Variants in POLA1 observed in about 807,000 individuals in gnomAD.
POLA1 encodes DNA polymerase alpha catalytic subunit.
POLA1 carries 15 observed loss-of-function variants against 124.0 expected under a neutral mutation model. The ratio of observed to expected loss-of-function variants is 0.12; its 90% CI spans 0.08 to 0.19. POLA1 has a LOEUF of 0.19. Ranked by LOEUF, POLA1 falls within the 10% of genes least tolerant of loss-of-function variation. The pLI is 1.00. For synonymous variants in POLA1, 408 were observed against 389.4 expected (o/e 1.05, Z -0.56); for missense variants, 886 against 1,103.4 (o/e 0.80, Z 2.79).
rs57038936 is a variant in POLA1, at chrX:24,951,343, A to ACCC, written c.4261+20807_4261+20809dup. Among the ~76,000 whole-genome samples the ACCC allele has an allele frequency of 2.0e-3, 80 of 40,948 alleles. 1 individual carries two copies. Among genetic ancestry groups the ACCC allele is most frequent in the East Asian group, 1.0e-2 (5 of 501 alleles). The allele number at this position is 40,948 out of a possible 115,157, so 35.6% of individuals were successfully genotyped here. On this transcript the variant is annotated intron_variant, in intron 36 of 36. Coordinates refer to ENST00000379068, the MANE Select transcript of POLA1 (RefSeq NM_001330360.2). ...ACTCACTTTCTTTAAACACCTCCCT[A>ACCC]CCCCCCCCCCCCCCCACCAAATGCA...
At chrX:24,959,424 A>T (rs1464288867) in intron 36 of POLA1, among the ~76,000 whole-genome samples, 1 of 107,968 alleles carries the variant, frequency 9.3e-6, no homozygotes, top group Middle Eastern at 4.7e-3. Flanking sequence ...AGAGCGCACC[A>T]CTGCACCCCA....
intron 26 of POLA1, chrX:24,788,579 C>T: frequency 8.4e-7 from 1 of 1,191,418 alleles, no homozygotes; most frequent in South Asian, 1.8e-5. Context: ...TGCTTGAATG[C>T]TTCTGACGCG....
chrX:24,811,035 G>C (rs2045890062), intron 28 of POLA1, among the ~76,000 whole-genome samples: 1 of 110,893 alleles, frequency 9.0e-6, no homozygotes, highest in Non-Finnish European at 1.9e-5. Context: ...CTGAAGCGTT[G>C]ACCTCCTGGG....
At chrX:24,761,336 T>C (rs1014320913) in intron 26 of POLA1, among the ~76,000 whole-genome samples, 3 of 111,190 alleles carry the variant, frequency 2.7e-5, no homozygotes, top group African/African-American at 6.5e-5. Flanking sequence ...AACAAAGATA[T>C]TAGGTTTCTT....
chrX:24,989,198 A>G (rs990121247), intron 36 of POLA1, among the ~76,000 whole-genome samples: 26 of 111,410 alleles, frequency 2.3e-4, no homozygotes, highest in Middle Eastern at 4.7e-3. Flanking sequence ...ACTTATCAAA[A>G]TCTTGGGAAT....
chrX:24,807,025 G>C (rs945864795), intron 26 of POLA1, among the ~76,000 whole-genome samples: 2 of 111,988 alleles, frequency 1.8e-5, no homozygotes, highest in Non-Finnish European at 3.8e-5. Flanking sequence ...TCCACCAAAA[G>C]ATTTCTGCCA....
chrX:24,781,965 A>G (rs2045273416), intron 26 of POLA1, among the ~76,000 whole-genome samples: 1 of 111,774 alleles, frequency 8.9e-6, no homozygotes, highest in Non-Finnish European at 1.9e-5. Context: ...TCAGCCTGGT[A>G]TTTACTGAGT....
chrX:24,700,209 A>G (rs1385838022), intron 2 of POLA1, among the ~76,000 whole-genome samples: 1 of 109,297 alleles, frequency 9.1e-6, no homozygotes, highest in Non-Finnish European at 1.9e-5. Context: ...TTTTGAACTA[A>G]CATATTATTC....
At chrX:24,837,175 T>A (rs1419921220) in intron 32 of POLA1, among the ~76,000 whole-genome samples, 1 of 112,001 alleles carries the variant, frequency 8.9e-6, no homozygotes, top group Non-Finnish European at 1.9e-5. Context: ...ATCTTGAGTA[T>A]TATACAATCA....
chrX:24,953,596 G>A (rs1045843292), intron 36 of POLA1, among the ~76,000 whole-genome samples: 1 of 111,869 alleles, frequency 8.9e-6, no homozygotes, highest in African/African-American at 3.3e-5. Flanking sequence ...GGACAGTTAG[G>A]AGGCAGGTGT....
At chrX:24,874,280 A>G (rs192687700) in intron 34 of POLA1, among the ~76,000 whole-genome samples, 1 of 112,443 alleles carries the variant, frequency 8.9e-6, no homozygotes, top group East Asian at 2.8e-4. Flanking sequence ...CTGTGATTCT[A>G]AGTAAAGCAC....
At chrX:24,727,961 T>C (rs1034195443) in intron 15 of POLA1, 25 bp downstream of exon 15, 2 of 1,162,725 alleles carry the variant, frequency 1.7e-6, no homozygotes, top group African/African-American at 3.5e-5. Context: ...ACAGATTTTG[T>C]ACCCATGCCT....
At chrX:24,699,092 G>A (rs780966337) in intron 1 of POLA1, among the ~76,000 whole-genome samples, 20 of 112,295 alleles carry the variant, frequency 1.8e-4, no homozygotes, top group Middle Eastern at 9.3e-3. Flanking sequence ...ATTTCTAATG[G>A]AAAGGTGATA....
intron 26 of POLA1, among the ~76,000 whole-genome samples, chrX:24,777,393 C>T (rs1249948360): frequency 1.8e-5 from 2 of 112,224 alleles, no homozygotes; most frequent in Admixed American, 1.9e-4. Flanking sequence ...TTGGGAAGAA[C>T]TTAAGTAGCA....
chrX:24,772,685 C>T (rs1319949672), intron 26 of POLA1, among the ~76,000 whole-genome samples: 1 of 111,218 alleles, frequency 9.0e-6, no homozygotes, highest in East Asian at 2.8e-4. Flanking sequence ...GGATAATGGC[C>T]TCCAGCTCCA....
chrX:24,827,690 G>T (rs185239616), intron 32 of POLA1, among the ~76,000 whole-genome samples: 208 of 111,643 alleles, frequency 1.9e-3, no homozygotes, highest in Non-Finnish European at 3.5e-3. Flanking sequence ...CTGAACCTTG[G>T]TCTACACCTT....
chrX:24,694,230 C>T (rs1305247802), intron 1 of POLA1, among the ~76,000 whole-genome samples: 2 of 112,654 alleles, frequency 1.8e-5, no homozygotes, highest in African/African-American at 6.4e-5. Context: ...TCACCTCTGC[C>T]ACTGAGAGTC....
intron 36 of POLA1, among the ~76,000 whole-genome samples, chrX:24,943,540 A>G (rs1002275555): frequency 7.1e-5 from 8 of 112,390 alleles, no homozygotes; most frequent in African/African-American, 2.6e-4. Flanking sequence ...CTGAAAAGTC[A>G]GTAAAATCCA....
intron 35 of POLA1, among the ~76,000 whole-genome samples, chrX:24,918,476 C>T (rs1217931048): frequency 9.0e-6 from 1 of 111,713 alleles, no homozygotes; most frequent in African/African-American, 3.2e-5. Context: ...TTAAAGCAAA[C>T]ATATACCAGC....
Sources: allele counts gnomAD v4.1 joint callset (sites outside exome capture counted in the v4.1 genomes callset), GRCh38; gene constraint gnomAD v4.1.1; transcripts MANE v1.5; gene names NCBI Gene and HGNC (gene_info 2026-07-23, HGNC 2026-07-21).